CAPN13: variants seen among roughly 807,000 people sequenced by gnomAD.
CAPN13 encodes calpain 13, also known as calpain-13.
CAPN13 carries 90 observed loss-of-function variants against 98.4 expected under a neutral mutation model. The observed-to-expected ratio is 0.92, with a 90% CI of 0.77 to 1.09. The LOEUF is 1.09. Ranked by LOEUF, CAPN13 falls within the 50% of genes least tolerant of loss-of-function variation. CAPN13 has a pLI of 0.00. For missense variants in CAPN13, 887 were observed against 841.3 expected, an observed-to-expected ratio of 1.05 and a Z score of -0.67; for synonymous variants, 330 against 305.5, an observed-to-expected ratio of 1.08 and a Z score of -0.84.
intron 11 of CAPN13, among the ~76,000 whole-genome samples, chr2:30,745,986 C>T (rs576705765): frequency 8.9e-5 from 13 of 145,586 alleles, no homozygotes; most frequent in Admixed American, 3.7e-4. Flanking sequence ...CTGCAACCTC[C>T]GCCTCCTGGG....
In CAPN13 at chr2:30,764,142, G is replaced by A. The variant is rs373980456; in HGVS notation, c.689C>T (p.Thr230Ile). 1.3e-6 allele frequency: 2 copies of A among 1,570,932 alleles called. No individual in the cohort carries two copies. Among genetic ancestry groups the A allele is most frequent in the African/African-American group, 1.3e-5 (1 of 74,094 alleles). ...TKAGSLITCA[T>I]PSGPTDTAQA... ...TCCCCAGTGACTTACCCCACTTGGA[G>A]TGGCACAGGTTATCAGGGAGCCTGC... Residue 230 changes from threonine (T) to isoleucine (I), a missense_variant, in exon 6 of 23, where the codon ACT becomes ATT. Thr to Ile is a moderately conservative substitution (Grantham distance 89). Coordinates refer to ENST00000295055, the MANE Select transcript of CAPN13 (RefSeq NM_144575.3).
intron 10 of CAPN13, among the ~76,000 whole-genome samples, chr2:30,752,292 TCACA>T (rs896594957): frequency 6.6e-5 from 10 of 152,126 alleles, no homozygotes; most frequent in Admixed American, 3.3e-4. Context: ...ACAAACACAC[TCACA>T]CACACAAATG....
Position 30,739,522 on chromosome 2 carries a change from G to C in CAPN13, c.1537-1065C>G, listed in dbSNP as rs138715901. Among the ~76,000 whole-genome samples, 28 of 152,168 alleles carry C rather than the reference G, an allele frequency of 1.8e-4. No homozygotes were observed. The East Asian group carries it at 3.5e-3, about 19-fold the overall frequency. On this transcript the variant is annotated intron_variant, in intron 15 of 22. Transcript: ENST00000295055. ...CTGCCAATGCCTGAAGATGGTCCTC[G>C]GGTCATTTCACCAACATTTCACTCT...
At chr2:30,740,276 G>A (rs1457845852) in intron 15 of CAPN13, among the ~76,000 whole-genome samples, 1 of 151,980 alleles carries the variant, frequency 6.6e-6, no homozygotes, top group Non-Finnish European at 1.5e-5. Context: ...TGTGTTTTTA[G>A]TAGAGATGGG....
intron 2 of CAPN13, among the ~76,000 whole-genome samples, chr2:30,782,128 C>G (rs1244807981): frequency 1.3e-5 from 2 of 152,158 alleles, no homozygotes; most frequent in Non-Finnish European, 2.9e-5. Context: ...GATGTGATCT[C>G]AAGCCAGCTG....
chr2:30,776,167 C>A, intron 3 of CAPN13, 122 bp from the exon 4 acceptor site: 1 of 590,544 alleles, frequency 1.7e-6, no homozygotes, highest in Non-Finnish European at 2.9e-6. Flanking sequence ...ATTTTTTTTT[C>A]CTCTGAGAGA....
chr2:30,738,194 A>C, intron 17 of CAPN13, 41 bp downstream of exon 17: 1 of 1,610,426 alleles, frequency 6.2e-7, no homozygotes, highest in Non-Finnish European at 8.5e-7. Flanking sequence ...CACAGAGCTG[A>C]GGGGTGCTCA....
In CAPN13 at chr2:30,764,300, G is replaced by A. The variant is rs774456498; in HGVS notation, c.531C>T (p.Leu177=). The change falls in exon 6 of 23, where the codon CTC becomes CTT. Residue 177 remains leucine, a synonymous_variant. Coordinates refer to ENST00000295055, the MANE Select transcript of CAPN13 (RefSeq NM_144575.3). ...CATAGTGCAGATCGGAATAGGATCC[G>A]AGCAGCCTGGGAGGGAATGGGGGAT... ...CLLEKAYAKL[L]GSYSDLHYGF... 1.7e-5 allele frequency: 28 copies of A among 1,613,390 alleles called. No individual in the cohort carries two copies. Among genetic ancestry groups the A allele is most frequent in the South Asian group, 4.4e-5 (4 of 90,980 alleles).
chr2:30,803,904 A>G (rs1675443239), intron 1 of CAPN13, among the ~76,000 whole-genome samples: 1 of 152,186 alleles, frequency 6.6e-6, no homozygotes, highest in Admixed American at 6.5e-5. Flanking sequence ...TGAGACAAGG[A>G]AACAGGCTTA....
intron 1 of CAPN13, among the ~76,000 whole-genome samples, chr2:30,802,547 G>A (rs545372796): frequency 1.4e-4 from 20 of 142,748 alleles, no homozygotes; most frequent in East Asian, 6.0e-4. Context: ...CAGGCTGGGG[G>A]GGGGGGGTGG....
At chr2:30,745,363 C>T in intron 12 of CAPN13, 1 of 508,380 alleles carries the variant, frequency 2.0e-6, no homozygotes, top group Non-Finnish European at 4.0e-6. Flanking sequence ...GATTTGGGGA[C>T]TGACTACTTT....
intron 5 of CAPN13, among the ~76,000 whole-genome samples, chr2:30,769,718 G>A (rs1361537209): frequency 6.6e-6 from 1 of 152,170 alleles, no homozygotes; most frequent in Admixed American, 6.5e-5. Context: ...GCACCTAAAG[G>A]CAGTTCCTAA....
chr2:30,798,351 C>G (rs979893232), intron 1 of CAPN13, among the ~76,000 whole-genome samples: 15 of 152,166 alleles, frequency 9.9e-5, no homozygotes, highest in Non-Finnish European at 2.1e-4. Flanking sequence ...TGACTCTACA[C>G]GGGGTCCCAG....
chr2:30,740,904 A>T (rs953912350), intron 15 of CAPN13, among the ~76,000 whole-genome samples: 1 of 152,198 alleles, frequency 6.6e-6, no homozygotes, highest in Non-Finnish European at 1.5e-5. Flanking sequence ...CTCAGGCATC[A>T]GCTCTGGGGG....
Position 30,777,499 on chromosome 2 carries a change from T to A in CAPN13, c.271+68A>T. 3 of 1,383,418 alleles carry A rather than the reference T, an allele frequency of 2.2e-6. No homozygotes were observed. In the South Asian group the frequency reaches 3.7e-5, roughly 17 times the overall value. 85.7% of individuals were successfully genotyped at this position (1,383,418 alleles called of 1,614,324 possible). On this transcript the variant is annotated intron_variant, in intron 3 of 22. Transcript: ENST00000295055. ...TTCTCCCTCAGAAGTGGGGCAGGAC[T>A]CTGTGGGTAAGCACCACCCTCCACC...
intron 8 of CAPN13, among the ~76,000 whole-genome samples, chr2:30,757,147 G>A (rs745643888): frequency 1.3e-5 from 2 of 152,182 alleles, no homozygotes; most frequent in Non-Finnish European, 2.9e-5. Flanking sequence ...CCCCACGGGC[G>A]ATGATGCAGC....
At chr2:30,800,106 G>A (rs1311519815) in intron 1 of CAPN13, among the ~76,000 whole-genome samples, 4 of 94,288 alleles carry the variant, frequency 4.2e-5, no homozygotes, top group Admixed American at 2.4e-4. Context: ...AAGAAAGAAA[G>A]AAAAGAAAGA....
chr2:30,735,155 C>T (rs966246029), intron 18 of CAPN13, among the ~76,000 whole-genome samples: 3 of 152,182 alleles, frequency 2.0e-5, no homozygotes, highest in Non-Finnish European at 1.5e-5. Flanking sequence ...TGGGGCGGCT[C>T]TTGCACCCAC....
intron 4 of CAPN13, among the ~76,000 whole-genome samples, chr2:30,775,305 C>T (rs1256876272): frequency 6.6e-6 from 1 of 151,946 alleles, no homozygotes; most frequent in African/African-American, 2.4e-5. Flanking sequence ...GAAAGATACA[C>T]CACCAATATA....
Sources: gnomAD v4.1 joint callset for allele counts (sites outside exome capture counted in the v4.1 genomes callset) on GRCh38, gnomAD v4.1.1 for gene constraint, MANE v1.5 for transcripts, NCBI Gene and HGNC (gene_info 2026-07-23, HGNC 2026-07-21) for gene names.